Variants in CACNA1G observed in about 807,000 individuals in gnomAD.
CACNA1G encodes the protein calcium voltage-gated channel subunit alpha1 G.
A neutral mutation model predicts 219.4 loss-of-function variants in CACNA1G; 67 were observed. The ratio of observed to expected loss-of-function variants is 0.31; its 90% confidence interval spans 0.25 to 0.37. The LOEUF (loss-of-function observed/expected upper bound fraction) is 0.37, where lower values mean the gene tolerates loss of function less well. Ranked by LOEUF, CACNA1G falls within the 10% of genes least tolerant of loss-of-function variation. CACNA1G has a pLI of 1.00. For missense variants in CACNA1G, 2,380 were observed against 3,231.4 expected, an observed-to-expected ratio of 0.74 and a Z score of 6.39; for synonymous variants, 1,296 against 1,345.3, an observed-to-expected ratio of 0.96 and a Z score of 0.80.
intron 13 of CACNA1G, among the ~76,000 whole-genome samples, chr17:50,592,736 G>C (rs2044609395): frequency 6.6e-6 from 1 of 152,132 alleles, no homozygotes; most frequent in Non-Finnish European, 1.5e-5. Context: ...CTCTCCCTCA[G>C]CTCTGCCTCT....
intron 26 of CACNA1G, among the ~76,000 whole-genome samples, chr17:50,611,412 A>G (rs1225652240): frequency 6.6e-6 from 1 of 151,916 alleles, no homozygotes; most frequent in Non-Finnish European, 1.5e-5. Flanking sequence ...GTTGGGTGTC[A>G]TGATCTGTGG....
chr17:50,609,825 G>T (rs1356702611), intron 25 of CACNA1G, 57 bp from the exon 26 acceptor site: 74 of 1,540,022 alleles, frequency 4.8e-5, no homozygotes, highest in Admixed American at 1.4e-4. Context: ...CCCCTGAGGG[G>T]CCCTGCCCAG....
chr17:50,626,382 G>T lies in CACNA1G; in HGVS notation c.6765G>T (p.Gln2255His), dbSNP rs1937642413. Reference protein sequence around the residue: ...KCYSVEAQSCQRRPTSWLDEQ... With the variant: ...KCYSVEAQSCHRRPTSWLDEQ... ...ACAGCGTGGAGGCCCAGAGCTGCCAGCGCCGGCCTACGTCCTGGCTGGATG... is the reference window on the plus strand; with the variant it reads ...ACAGCGTGGAGGCCCAGAGCTGCCATCGCCGGCCTACGTCCTGGCTGGATG... The change falls in exon 38 of 38, where the codon CAG (glutamine) becomes CAT (histidine). Residue 2255 changes from glutamine (Q) to histidine (H), a missense_variant. Gln to His is a conservative substitution (Grantham distance 24). This residue lies in a region of CACNA1G where 672 missense variants were observed against 670.5 expected (regional missense o/e 1.00). Transcript: ENST00000359106. This position sits in a 1 kb window ranked among gnomAD's most constrained non-coding sequence, Gnocchi z 4.3. 1.2e-6 allele frequency: 2 copies of T among 1,611,936 alleles called. No homozygotes were observed. The highest frequency in any genetic ancestry group is 1.7e-6 in the Non-Finnish European group (2 of 1,179,220).
chr17:50,581,703 G>A (rs1477909059), intron 9 of CACNA1G, among the ~76,000 whole-genome samples: 1 of 152,224 alleles, frequency 6.6e-6, no homozygotes, highest in African/African-American at 2.4e-5. Context: ...TTGCCCAGAG[G>A]GCTGGTGAGA....
chr17:50,592,811 A>G (rs2044627873), intron 13 of CACNA1G, among the ~76,000 whole-genome samples: 1 of 152,118 alleles, frequency 6.6e-6, no homozygotes, highest in Non-Finnish European at 1.5e-5. Flanking sequence ...AGTTTGACCC[A>G]ACCTAGAAAC....
At chr17:50,588,561 C>T (rs1568049006) in intron 9 of CACNA1G, among the ~76,000 whole-genome samples, 1 of 152,222 alleles carries the variant, frequency 6.6e-6, no homozygotes, top group South Asian at 2.1e-4. Flanking sequence ...CCCCGCCCCA[C>T]CTCCTGTACT....
In CACNA1G at chr17:50,590,509, C is replaced by T; in HGVS notation, c.2340C>T (p.Ile780=). ...CCAACGCCCTAGAAATCAGCAACAT[C>T]GTCTTCACCAGCCTCTTTGCCCTGG... ...ELTNALEISN[I]VFTSLFALEM... Residue 780 remains isoleucine, a synonymous_variant, in exon 10 of 38, where the codon ATC becomes ATT. Coordinates refer to ENST00000359106, the MANE Select transcript of CACNA1G (RefSeq NM_018896.5). 6.2e-6 allele frequency: 10 copies of T among 1,613,940 alleles called. No individual in the cohort carries two copies. Among genetic ancestry groups the T allele is most frequent in the African/African-American group, 1.3e-5 (1 of 75,038 alleles).
intron 26 of CACNA1G, among the ~76,000 whole-genome samples, chr17:50,613,542 A>G (rs1036291003): frequency 6.6e-6 from 1 of 152,222 alleles, no homozygotes; most frequent in African/African-American, 2.4e-5. Context: ...AACTGCCTAC[A>G]GAGTCAGGCT....
Position 50,601,184 on chromosome 17 carries a change from C to T in CACNA1G, c.3915+10C>T, listed in dbSNP as rs2046551188. 1 of 1,613,372 alleles carries T rather than the reference C, an allele frequency of 6.2e-7. No individual in the cohort carries two copies. On this transcript the variant is annotated intron_variant, in intron 19 of 37. Coordinates refer to ENST00000359106, the MANE Select transcript of CACNA1G (RefSeq NM_018896.5). ...TGACCCCCACAGCGCTGTGAGTCAC[C>T]AGCCCCGCTCAGGGCAAGGCCTCTC... is the stretch of plus-strand genomic sequence containing the variant.
At chr17:50,608,825 C>A (rs2048528450) in intron 25 of CACNA1G, among the ~76,000 whole-genome samples, 1 of 152,150 alleles carries the variant, frequency 6.6e-6, no homozygotes, top group Non-Finnish European at 1.5e-5. Flanking sequence ...TCTGGGGCAT[C>A]CCCAGATGCG....
intron 1 of CACNA1G, among the ~76,000 whole-genome samples, chr17:50,568,108 T>C (rs1365000365): frequency 6.6e-6 from 1 of 152,064 alleles, no homozygotes; most frequent in African/African-American, 2.4e-5. Flanking sequence ...AGGCTGGTGG[T>C]GGAAGAGGGA....
In CACNA1G at chr17:50,610,036, T is replaced by A. The variant is rs1048733272; in HGVS notation, c.4759+101T>A. The A allele has an allele frequency of 5.3e-5, 66 of 1,250,816 alleles. 1 individual carries two copies. In the South Asian group the frequency reaches 7.9e-4, roughly 15 times the overall value. The allele number at this position is 1,250,816 out of a possible 1,614,324, so 77.5% of individuals were successfully genotyped here. On this transcript the variant is annotated intron_variant, in intron 26 of 37. Transcript: ENST00000359106. ...TCCTCTTGGGGTGAAAGGGTGAGGGTCCCTGGGGCCCCCAAGAGGGCAGGG... is the reference window on the plus strand; with the variant it reads ...TCCTCTTGGGGTGAAAGGGTGAGGGACCCTGGGGCCCCCAAGAGGGCAGGG...
chr17:50,578,207 C>T lies in CACNA1G; in HGVS notation c.1944C>T (p.Cys648=), dbSNP rs559202195. 3.4e-4 allele frequency: 534 copies of T among 1,584,890 alleles called. No homozygotes were observed. The South Asian group carries it at 5.4e-3, about 16-fold the overall frequency. The part of the protein sequence containing the change: ...TQSTGACQSS[C]KISSPCLKAD... ...TTCCAGGTGCCTGCCAAAGCTCTTGCAAGATCTCCAGCCCTTGCTTGAAAG... is the reference window on the plus strand; with the variant it reads ...TTCCAGGTGCCTGCCAAAGCTCTTGTAAGATCTCCAGCCCTTGCTTGAAAG... The change falls in exon 9 of 38, where the codon TGC becomes TGT. Residue 648 remains cysteine (C), a synonymous_variant. Transcript: ENST00000359106. The surrounding 1 kb of genome is among the most constrained non-coding windows in gnomAD (Gnocchi z 4.5).
chr17:50,605,063 C>G (rs2047664727), intron 22 of CACNA1G, among the ~76,000 whole-genome samples: 1 of 152,138 alleles, frequency 6.6e-6, no homozygotes, highest in Non-Finnish European at 1.5e-5. Context: ...GTGCATTTAC[C>G]AAAGCTGTGT....
Position 50,603,299 on chromosome 17 carries a change from A to T in CACNA1G, c.4169+100A>T. On this transcript the variant is annotated intron_variant, in intron 21 of 37. Coordinates refer to ENST00000359106, the MANE Select transcript of CACNA1G (RefSeq NM_018896.5). The surrounding 1 kb of genome is among the most constrained non-coding windows in gnomAD (Gnocchi z 6.4). The stretch of plus-strand genomic sequence containing the variant: ...TCCCTGCCACGAAACAAAAGCCTGC[A>T]CAGGCCAGCATCCTGTCTGTGACCC... 1.0e-6 allele frequency: 1 copy of T among 987,238 alleles called. No homozygotes were observed. The highest frequency in any genetic ancestry group is 2.6e-5 in the East Asian group (1 of 38,122). 61.2% of individuals were successfully genotyped at this position (987,238 alleles called of 1,614,324 possible). A position where few individuals can be genotyped will look rare whatever the true frequency, so the allele number is the denominator to read the frequency against.
intron 25 of CACNA1G, among the ~76,000 whole-genome samples, chr17:50,608,430 C>T (rs972663189): frequency 6.6e-6 from 1 of 151,650 alleles, no homozygotes; most frequent in South Asian, 2.1e-4. Context: ...CTGCAGCTGC[C>T]GAGCAAAGCC....
intron 10 of CACNA1G, 129 bp from the exon 11 acceptor site, chr17:50,591,306 C>T: frequency 1.1e-6 from 1 of 891,650 alleles, no homozygotes; most frequent in Non-Finnish European, 1.6e-6. Flanking sequence ...GTCTGGGGGC[C>T]CACCTGTGCC....
In CACNA1G at chr17:50,626,974, A is replaced by C. The variant is rs539792112; in HGVS notation, c.*223A>C. 11 of 695,014 alleles carry C rather than the reference A, an allele frequency of 1.6e-5. No individual in the cohort carries two copies. The East Asian group carries it at 3.0e-4, about 19-fold the overall frequency. The allele number at this position is 695,014 out of a possible 1,614,324, so 43.1% of individuals were successfully genotyped here. On this transcript the variant is annotated 3_prime_UTR_variant, in exon 38 of 38. Transcript: ENST00000359106. The surrounding 1 kb of genome is among the most constrained non-coding windows in gnomAD (Gnocchi z 4.3). ...CCAGGCAGAAGGAGAGGCCCGGTGC[A>C]GCTGAGGTTCCCGACACCAGAAGCT...
In CACNA1G at chr17:50,624,401, T is replaced by C; in HGVS notation, c.6271T>C (p.Tyr2091His). The change falls in exon 37 of 38, where the codon TAC (tyrosine) becomes CAC (histidine). Residue 2091 changes from tyrosine to histidine, a missense_variant. This residue lies in a region of CACNA1G where 672 missense variants were observed against 670.5 expected (regional missense o/e 1.00). Coordinates refer to ENST00000359106, the MANE Select transcript of CACNA1G (RefSeq NM_018896.5). The stretch of plus-strand genomic sequence containing the variant: ...TCACTCCCAGCCAGCAGATACCAGC[T>C]ACATCCTGCAGCTTCCCAAAGATGC... ...SVHSQPADTS[Y>H]ILQLPKDAPH... 1 of 1,498,088 alleles carries C rather than the reference T, an allele frequency of 6.7e-7. No homozygotes were observed. Among genetic ancestry groups the C allele is most frequent in the Non-Finnish European group, 9.0e-7 (1 of 1,113,154 alleles). The allele number at this position is 1,498,088 out of a possible 1,614,324, so 92.8% of individuals were successfully genotyped here. A position where few individuals can be genotyped will look rare whatever the true frequency, so the allele number is the denominator to read the frequency against.
Sources: gnomAD v4.1 joint callset for allele counts (sites outside exome capture counted in the v4.1 genomes callset) on GRCh38, gnomAD v4.1.1 for gene constraint, gnomAD v4.1.1 regional missense constraint, Gnocchi (gnomAD v3.1) non-coding constraint, MANE v1.5 for transcripts, NCBI Gene and HGNC (gene_info 2026-07-23, HGNC 2026-07-21) for gene names.